Variants in ACOT11 observed in about 807,000 individuals in gnomAD.
ACOT11 encodes the protein acyl-coenzyme A thioesterase 11.
In ACOT11, 69 loss-of-function variants were observed where a neutral mutation model predicts 77.5. The ratio of observed to expected loss-of-function variants is 0.89; its 90% confidence interval spans 0.73 to 1.09. ACOT11 has a LOEUF of 1.09. Among genes scored for constraint, ACOT11 ranks in the 50% least tolerant of loss-of-function variants. ACOT11 has a pLI of 0.00. For missense variants in ACOT11, 766 were observed against 813.7 expected (o/e 0.94, Z 0.71); for synonymous variants, 279 against 313.0 (o/e 0.89, Z 1.15).
intron 3 of ACOT11, 96 bp from the exon 4 acceptor site, chr1:54,592,450 C>A: frequency 8.2e-7 from 1 of 1,212,572 alleles, no homozygotes; most frequent in Non-Finnish European, 1.2e-6. Flanking sequence ...AGTTATCCTG[C>A]CAGCTCCCCG....
intron 1 of ACOT11, among the ~76,000 whole-genome samples, chr1:54,564,251 G>T (rs1203786629): frequency 1.3e-5 from 2 of 151,708 alleles, no homozygotes; most frequent in South Asian, 4.2e-4. Context: ...AGAAGAAAAA[G>T]AAAAAATAAA....
chr1:54,608,572 C>T (rs1371337981), intron 15 of ACOT11, among the ~76,000 whole-genome samples: 1 of 152,130 alleles, frequency 6.6e-6, no homozygotes, highest in East Asian at 1.9e-4. Flanking sequence ...AATTCATATG[C>T]TTGAACCCAT....
At chr1:54,616,739 A>T (rs1644177707) in intron 15 of ACOT11, among the ~76,000 whole-genome samples, 1 of 152,166 alleles carries the variant, frequency 6.6e-6, no homozygotes, top group Non-Finnish European at 1.5e-5. Context: ...TTTCAACATT[A>T]TGACACATTT....
intron 1 of ACOT11, among the ~76,000 whole-genome samples, chr1:54,568,550 G>A (rs993661734): frequency 2.2e-4 from 34 of 151,912 alleles, no homozygotes; most frequent in African/African-American, 8.2e-4. Context: ...CTTTAGTAGA[G>A]ACGGGGTTTC....
intron 15 of ACOT11, among the ~76,000 whole-genome samples, chr1:54,617,601 TTC>T (rs562522595): frequency 1.1e-3 from 166 of 151,732 alleles, no homozygotes; most frequent in African/African-American, 3.9e-3. Context: ...CTCTCCTTCA[TTC>T]TCTGAGTTCC....
chr1:54,580,267 C>G (rs1654258279), intron 1 of ACOT11, among the ~76,000 whole-genome samples: 1 of 152,198 alleles, frequency 6.6e-6, no homozygotes, highest in South Asian at 2.1e-4. Context: ...CCCAGGCGTG[C>G]TCTTCCCCTT....
In ACOT11 at chr1:54,597,268, G is replaced by C. The variant is rs1451825761; in HGVS notation, c.617G>C (p.Ser206Thr). ...ANCAIQGDLE[S>T]RDCSRMVPAE... is the part of the protein sequence containing the mutation. ...TCCCATCCCTGGTCAGATCTGGAGA[G>C]CAGAGACTGTAGCCGCATGGTGCCG... Residue 206 changes from serine to threonine, a missense_variant, in exon 7 of 16, where the codon AGC becomes ACC. By Grantham distance (58) the Ser-to-Thr change is moderately conservative. Coordinates refer to ENST00000343744, the MANE Select transcript of ACOT11 (RefSeq NM_147161.4). The C allele has an allele frequency of 1.2e-6, 2 of 1,612,366 alleles. No individual in the cohort carries two copies. The highest frequency in any genetic ancestry group is 1.7e-6 in the Non-Finnish European group (2 of 1,180,012).
rs919176513 is a variant in ACOT11 at position 54,628,367 on chromosome 1, G to A, written c.1630-2367G>A. On this transcript the variant is annotated intron_variant, in intron 15 of 16. Transcript: ENST00000371316. ...ACATGGAGCTGTCATTTTTAGAACTGGTGGCTCACACCTGTGATCCCAGCA... is the reference window on the plus strand; with the variant it reads ...ACATGGAGCTGTCATTTTTAGAACTAGTGGCTCACACCTGTGATCCCAGCA... 1.5e-5 allele frequency: 2 copies of A among 130,406 alleles called. 1 individual carries two copies. The highest frequency in any genetic ancestry group is 1.6e-4 in the Admixed American group (2 of 12,850). The allele number at this position is 130,406 out of a possible 1,614,324, so 8.1% of individuals were successfully genotyped here. A position where few individuals can be genotyped will look rare whatever the true frequency, so the allele number is the denominator to read the frequency against.
intron 13 of ACOT11, among the ~76,000 whole-genome samples, chr1:54,606,719 C>G (rs1360451462): frequency 6.6e-6 from 1 of 152,204 alleles, no homozygotes; most frequent in Non-Finnish European, 1.5e-5. Flanking sequence ...TCAGTGGGCG[C>G]TCAGTAAATA....
chr1:54,590,791 G>A (rs544468434), intron 3 of ACOT11, among the ~76,000 whole-genome samples: 101 of 152,168 alleles, frequency 6.6e-4, no homozygotes, highest in Admixed American at 1.8e-3. Flanking sequence ...GTCTCACTCC[G>A]TCACCCAGCC....
At chr1:54,616,109 C>T in intron 15 of ACOT11, 1 of 1,614,144 alleles carries the variant, frequency 6.2e-7, no homozygotes, top group East Asian at 2.2e-5. Flanking sequence ...GATGGGAACT[C>T]CTGTCTCATT....
intron 1 of ACOT11, among the ~76,000 whole-genome samples, chr1:54,571,256 C>T (rs1346948913): frequency 2.6e-5 from 4 of 152,116 alleles, no homozygotes; most frequent in Non-Finnish European, 5.9e-5. Flanking sequence ...TTGCCAGCCC[C>T]CATGCCTTCC....
intron 1 of ACOT11, among the ~76,000 whole-genome samples, chr1:54,564,024 C>T (rs1003584883): frequency 6.6e-6 from 1 of 151,448 alleles, no homozygotes; most frequent in African/African-American, 2.4e-5. Context: ...CGAGATTGTG[C>T]CACTGCACTC....
chr1:54,585,484 A>AGT (rs780780971), intron 2 of ACOT11, among the ~76,000 whole-genome samples: 3 of 152,198 alleles, frequency 2.0e-5, no homozygotes, highest in East Asian at 1.9e-4. Flanking sequence ...GAAGCAGGCC[A>AGT]GTGTGGTGTG....
At chr1:54,629,161 C>T (rs2436836) in intron 15 of ACOT11, among the ~76,000 whole-genome samples, 92,581 of 130,630 alleles carry the variant, frequency 0.71, 39,163 homozygotes, top group East Asian at 1. Context: ...CTGTCAACAA[C>T]CCCAAAAATC....
chr1:54,603,457 G>A (rs778186046), intron 10 of ACOT11, among the ~76,000 whole-genome samples: 1 of 152,222 alleles, frequency 6.6e-6, no homozygotes, highest in Non-Finnish European at 1.5e-5. Flanking sequence ...GCTGTTGTTA[G>A]TAAGAAAGTG....
chr1:54,610,488 C>T (rs755853255), downstream of ACOT11: 23 of 1,501,140 alleles, frequency 1.5e-5, 1 homozygote, highest in South Asian at 2.6e-4. Context: ...GACCGTCATC[C>T]CCAGGCAGCT....
chr1:54,559,029 G>A (rs752596861), intron 1 of ACOT11, among the ~76,000 whole-genome samples: 3 of 152,176 alleles, frequency 2.0e-5, no homozygotes, highest in African/African-American at 7.2e-5. Flanking sequence ...TCACAACAGG[G>A]AGGTGGGTAA....
chr1:54,575,801 G>A (rs1263273240), intron 1 of ACOT11, among the ~76,000 whole-genome samples: 1 of 152,228 alleles, frequency 6.6e-6, no homozygotes, highest in East Asian at 1.9e-4. Flanking sequence ...TGGCGGAGCA[G>A]GACAAGTGTT....
Sources: gnomAD v4.1 joint callset for allele counts (sites outside exome capture counted in the v4.1 genomes callset) on GRCh38, gnomAD v4.1.1 for gene constraint, MANE v1.5 for transcripts, NCBI Gene and HGNC (gene_info 2026-07-23, HGNC 2026-07-21) for gene names.